ADSS2: variants seen among roughly 807,000 people sequenced by gnomAD.
The protein encoded by ADSS2 is adenylosuccinate synthetase isozyme 2.
Under a neutral mutation model 60.0 loss-of-function variants are expected in ADSS2, and 30 were observed. The ratio of observed to expected loss-of-function variants is 0.50; its 90% confidence interval spans 0.37 to 0.68. The LOEUF is 0.68. Ranked by LOEUF, ADSS2 falls within the 30% of genes least tolerant of loss-of-function variation. The probability of loss-of-function intolerance (pLI) is 0.00; values close to 1 mark genes in which losing one functional copy is unlikely to be tolerated. For missense variants in ADSS2, 373 were observed against 554.8 expected, an observed-to-expected ratio of 0.67 and a Z score of 3.29; for synonymous variants, 187 against 193.1, an observed-to-expected ratio of 0.97 and a Z score of 0.26.
chr1:244,451,853 C>G lies in ADSS2; in HGVS notation c.-36G>C, dbSNP rs1446863218. 6 of 1,521,346 alleles carry G rather than the reference C, an allele frequency of 3.9e-6. No homozygotes were observed. The highest frequency in any genetic ancestry group is 4.1e-5 in the Admixed American group (2 of 49,292). 94.2% of individuals were successfully genotyped at this position (1,521,346 alleles called of 1,614,324 possible). ...ACGCGAGGAGAGCCCGAAGGAGAGG[C>G]GGCCGGCGAGGAGTGAGCGAACTGA... On this transcript the variant is annotated 5_prime_UTR_variant, in exon 1 of 13. Coordinates refer to ENST00000366535, the MANE Select transcript of ADSS2 (RefSeq NM_001126.5). The surrounding 1 kb of genome is among the most constrained non-coding windows in gnomAD (Gnocchi z 6.6).
intron 7 of ADSS2, among the ~76,000 whole-genome samples, chr1:244,420,780 C>T (rs887276622): frequency 1.1e-4 from 17 of 152,230 alleles, no homozygotes; most frequent in Admixed American, 2.6e-4. Flanking sequence ...GAACATGGCT[C>T]ACTTGCAGCC....
chr1:244,438,645 G>C (rs1298207501), intron 1 of ADSS2, among the ~76,000 whole-genome samples: 2 of 151,956 alleles, frequency 1.3e-5, no homozygotes, highest in Non-Finnish European at 2.9e-5. Context: ...AGTATACTCG[G>C]GATGTATTTG....
At chr1:244,424,610 T>A in intron 4 of ADSS2, 2 of 354,716 alleles carry the variant, frequency 5.6e-6, no homozygotes, top group African/African-American at 2.1e-5. Flanking sequence ...TATACTATTT[T>A]AAAAAATAAG....
chr1:244,409,351 T>C lies in ADSS2; in HGVS notation c.*235A>G. On this transcript the variant is annotated 3_prime_UTR_variant, in exon 13 of 13. Coordinates refer to ENST00000366535, the MANE Select transcript of ADSS2 (RefSeq NM_001126.5). ...CATTGAAAAAAAAAACGTGGCACCA[T>C]GAGAGCAGCAGGAGCAACAAATGAT... is the stretch of plus-strand genomic sequence containing the variant. 1 of 381,174 alleles carries C rather than the reference T, an allele frequency of 2.6e-6. No individual in the cohort carries two copies. Among genetic ancestry groups the C allele is most frequent in the Non-Finnish European group, 4.7e-6 (1 of 214,614 alleles). The allele number at this position is 381,174 out of a possible 1,614,324, so 23.6% of individuals were successfully genotyped here. A position where few individuals can be genotyped will look rare whatever the true frequency, so the allele number is the denominator to read the frequency against.
In ADSS2 at chr1:244,424,895, C is replaced by G. The variant is rs74151388; in HGVS notation, c.407-508G>C. On this transcript the variant is annotated intron_variant, in intron 4 of 12. Coordinates refer to ENST00000366535, the MANE Select transcript of ADSS2 (RefSeq NM_001126.5). ...AGACACAAATATGGCATTCACACCT[C>G]CCCTGCCCTTAAAACTCCATGGCTT... 2 of 153,534 alleles carry G rather than the reference C, an allele frequency of 1.3e-5. 1 individual carries two copies. The highest frequency in any genetic ancestry group is 1.3e-4 in the Admixed American group (2 of 15,430). The allele number at this position is 153,534 out of a possible 1,614,324, so 9.5% of individuals were successfully genotyped here.
At chr1:244,420,332 C>T in intron 7 of ADSS2, 36 bp from the exon 8 acceptor site, 2 of 1,551,846 alleles carry the variant, frequency 1.3e-6, no homozygotes, top group Non-Finnish European at 1.8e-6. Context: ...TCCATGTATA[C>T]TAATAAACGT....
At chr1:244,417,115 T>C (rs1249331081) in intron 10 of ADSS2, among the ~76,000 whole-genome samples, 1 of 152,218 alleles carries the variant, frequency 6.6e-6, no homozygotes, top group Non-Finnish European at 1.5e-5. Flanking sequence ...AGGCTCTCAC[T>C]ACGTTTCTCA....
intron 11 of ADSS2, among the ~76,000 whole-genome samples, chr1:244,415,673 G>A (rs1251219474): frequency 1.3e-5 from 2 of 152,160 alleles, no homozygotes; most frequent in Admixed American, 1.3e-4. Flanking sequence ...CTTCCCCAAG[G>A]AAGGAAGAAA....
At chr1:244,415,505 T>A (rs981893501) in intron 11 of ADSS2, among the ~76,000 whole-genome samples, 3 of 152,228 alleles carry the variant, frequency 2.0e-5, no homozygotes. Flanking sequence ...ATTCCTTCAT[T>A]TGGCATATTC....
At chr1:244,421,871 G>A (rs1366167443) in intron 7 of ADSS2, among the ~76,000 whole-genome samples, 2 of 152,138 alleles carry the variant, frequency 1.3e-5, no homozygotes, top group Non-Finnish European at 2.9e-5. Context: ...CTACTCGGGA[G>A]GCTGAGGAGG....
intron 11 of ADSS2, among the ~76,000 whole-genome samples, chr1:244,412,629 C>G (rs193135538): frequency 3.2e-4 from 48 of 152,322 alleles, no homozygotes; most frequent in African/African-American, 1.1e-3. Context: ...CCATCTCCTA[C>G]AGCAGAGAGC....
intron 1 of ADSS2, among the ~76,000 whole-genome samples, chr1:244,439,946 T>C (rs1665196102): frequency 6.6e-6 from 1 of 152,190 alleles, no homozygotes. Context: ...TGAGTTCCAA[T>C]GCAAAGTCCT....
intron 4 of ADSS2, among the ~76,000 whole-genome samples, chr1:244,431,930 G>A (rs555961425): frequency 6.6e-6 from 1 of 152,194 alleles, no homozygotes; most frequent in Non-Finnish European, 1.5e-5. Flanking sequence ...TACTGCCACA[G>A]GACACACGCA....
At chr1:244,447,587 TGAG>T (rs1317023114) in intron 1 of ADSS2, among the ~76,000 whole-genome samples, 2 of 152,312 alleles carry the variant, frequency 1.3e-5, no homozygotes, top group African/African-American at 4.8e-5. Context: ...CGAAATATGT[TGAG>T]GAGATACATG....
chr1:244,429,773 T>C (rs1202129027), intron 4 of ADSS2, among the ~76,000 whole-genome samples: 2 of 151,940 alleles, frequency 1.3e-5, no homozygotes, highest in Admixed American at 1.3e-4. Context: ...TCCCAGCTAC[T>C]CAGGAGGCTG....
chr1:244,413,068 A>G (rs189280642), intron 11 of ADSS2, among the ~76,000 whole-genome samples: 1 of 152,336 alleles, frequency 6.6e-6, no homozygotes, highest in Non-Finnish European at 1.5e-5. Context: ...GATCTGCAGG[A>G]ACAAGACAAC....
chr1:244,440,421 T>C (rs751441975), intron 1 of ADSS2, among the ~76,000 whole-genome samples: 23 of 152,260 alleles, frequency 1.5e-4, no homozygotes, highest in Non-Finnish European at 2.5e-4. Context: ...GACTAATGTA[T>C]GGCATATATT....
Position 244,436,980 on chromosome 1 carries a change from T to C in ADSS2, c.287-87A>G, listed in dbSNP as rs372039611. On this transcript the variant is annotated intron_variant, in intron 2 of 12. Transcript: ENST00000366535. ...AGGACATTCTGATTTACCACGGTGT[T>C]ACCACAGAAATGATTCCAAGTTTTA... The C allele has an allele frequency of 3.7e-5, 41 of 1,106,482 alleles. 1 individual carries two copies. The African/African-American group carries it at 5.8e-4, about 16-fold the overall frequency. The allele number at this position is 1,106,482 out of a possible 1,614,324, so 68.5% of individuals were successfully genotyped here. A position where few individuals can be genotyped will look rare whatever the true frequency, so the allele number is the denominator to read the frequency against.
intron 1 of ADSS2, among the ~76,000 whole-genome samples, chr1:244,447,255 C>A (rs1665416850): frequency 6.6e-6 from 1 of 152,112 alleles, no homozygotes; most frequent in Non-Finnish European, 1.5e-5. Context: ...GGATTCGTAT[C>A]CAGTTACAGA....
Sources: gnomAD v4.1 joint callset for allele counts (sites outside exome capture counted in the v4.1 genomes callset) on GRCh38, gnomAD v4.1.1 for gene constraint, Gnocchi (gnomAD v3.1) non-coding constraint, MANE v1.5 for transcripts, NCBI Gene and HGNC (gene_info 2026-07-23, HGNC 2026-07-21) for gene names.